Variants in B3GALNT1 observed in about 807,000 individuals in gnomAD.
B3GALNT1 encodes UDP-GalNAc:beta-1,3-N-acetylgalactosaminyltransferase 1.
B3GALNT1 carries 17 observed loss-of-function variants against 27.3 expected under a neutral mutation model. The ratio of observed to expected loss-of-function variants is 0.62; its 90% CI spans 0.43 to 0.94. The LOEUF (loss-of-function observed/expected upper bound fraction) is 0.94. Ranked by LOEUF, B3GALNT1 falls within the 40% of genes least tolerant of loss-of-function variation. B3GALNT1 has a pLI of 0.00. For missense variants in B3GALNT1, 347 were observed against 390.0 expected (o/e 0.89, Z 0.93); for synonymous variants, 141 against 144.0 (o/e 0.98, Z 0.15).
At chr3:161,088,324 A>G (rs1433167083) in intron 4 of B3GALNT1, among the ~76,000 whole-genome samples, 1 of 152,164 alleles carries the variant, frequency 6.6e-6, no homozygotes, top group African/African-American at 2.4e-5. Flanking sequence ...AACTCTCTCC[A>G]GTTTGGTTCC....
rs775646361 is a variant in B3GALNT1, at chr3:161,086,660, A to T, written c.95T>A (p.Val32Glu). ...LLLLSLLSFFVMWYLSLPHYN... is the reference protein window; with the variant it reads ...LLLLSLLSFFEMWYLSLPHYN... ...GTGGGGAAGGCTGAGGTACCACATCACAAAGAAACTCAGGAGTGACAGCAG... is the reference window on the plus strand; with the variant it reads ...GTGGGGAAGGCTGAGGTACCACATCTCAAAGAAACTCAGGAGTGACAGCAG... Residue 32 changes from valine (V) to glutamate (E), a missense_variant, in exon 5 of 5, where the codon GTG becomes GAG. By Grantham distance (121) the Val-to-Glu change is moderately radical (BLOSUM62 -2). Coordinates refer to ENST00000320474, the MANE Select transcript of B3GALNT1 (RefSeq NM_003781.4). The T allele has an allele frequency of 3.7e-6, 6 of 1,614,080 alleles. No individual in the cohort carries two copies. The highest frequency in any genetic ancestry group is 3.4e-6 in the Non-Finnish European group (4 of 1,180,046).
At chr3:161,095,884 G>A (rs910139929) in intron 4 of B3GALNT1, among the ~76,000 whole-genome samples, 7 of 152,204 alleles carry the variant, frequency 4.6e-5, no homozygotes, top group African/African-American at 1.7e-4. Context: ...TGTTCTTTCA[G>A]CAATTCGCCC....
At chr3:161,091,126 A>T (rs1724847732) in intron 4 of B3GALNT1, among the ~76,000 whole-genome samples, 1 of 152,056 alleles carries the variant, frequency 6.6e-6, no homozygotes, top group Admixed American at 6.6e-5. Context: ...AAAATTAGCC[A>T]GGCATGGTGG....
intron 4 of B3GALNT1, among the ~76,000 whole-genome samples, chr3:161,096,025 G>A (rs1177674780): frequency 6.6e-6 from 1 of 152,116 alleles, no homozygotes; most frequent in East Asian, 1.9e-4. Flanking sequence ...ATTTCTATTT[G>A]TTTATTGTCT....
At chr3:161,099,714 C>T (rs534311281) in intron 4 of B3GALNT1, among the ~76,000 whole-genome samples, 24 of 152,216 alleles carry the variant, frequency 1.6e-4, no homozygotes, top group Admixed American at 5.2e-4. Context: ...TAGCATAGTG[C>T]CTGGCACATA....
intron 4 of B3GALNT1, among the ~76,000 whole-genome samples, chr3:161,087,714 C>A (rs1027723358): frequency 1.3e-5 from 2 of 152,126 alleles, no homozygotes; most frequent in African/African-American, 4.8e-5. Context: ...GATCTCAAGG[C>A]AGAGGGTGGT....
At chr3:161,099,945 G>C (rs921400349) in intron 4 of B3GALNT1, among the ~76,000 whole-genome samples, 2 of 152,178 alleles carry the variant, frequency 1.3e-5, no homozygotes, top group African/African-American at 4.8e-5. Flanking sequence ...AGTTAGAAGA[G>C]GGTAACTCAT....
intron 3 of B3GALNT1, among the ~76,000 whole-genome samples, chr3:161,101,745 T>C (rs1053815225): frequency 1.3e-5 from 2 of 152,200 alleles, no homozygotes; most frequent in South Asian, 4.1e-4. Context: ...AATAGAGGCA[T>C]AAATTTAGAG....
At chr3:161,087,668 A>G (rs1039322425) in intron 4 of B3GALNT1, among the ~76,000 whole-genome samples, 2 of 152,218 alleles carry the variant, frequency 1.3e-5, no homozygotes, top group Non-Finnish European at 1.5e-5. Flanking sequence ...GAGGAGGCAC[A>G]GAACATTCAG....
Position 161,104,352 on chromosome 3 carries a change from AT to A in B3GALNT1, c.-255del, listed in dbSNP as rs1450742590. The A allele has an allele frequency of 7.8e-7, 1 of 1,289,646 alleles. No individual in the cohort carries two copies. Among genetic ancestry groups the A allele is most frequent in the Non-Finnish European group, 1.0e-6 (1 of 988,832 alleles). 79.9% of individuals were successfully genotyped at this position (1,289,646 alleles called of 1,614,324 possible). The stretch of plus-strand genomic sequence containing the variant: ...ACAGAAAAAAAGACATGGTTTGGCA[AT>A]TTCTTCCTTGATAGCTTTTCCCACA... On this transcript the variant is annotated 5_prime_UTR_variant, in exon 2 of 5. Coordinates refer to ENST00000320474, the MANE Select transcript of B3GALNT1 (RefSeq NM_003781.4).
intron 3 of B3GALNT1, among the ~76,000 whole-genome samples, chr3:161,101,983 C>T (rs1731542794): frequency 6.6e-6 from 1 of 152,144 alleles, no homozygotes; most frequent in South Asian, 2.1e-4. Context: ...CTTGTGTATT[C>T]TAACTTTTAT....
chr3:161,101,775 AG>A lies in B3GALNT1; in HGVS notation c.-129-543del, dbSNP rs1731419007. 2.0e-5 allele frequency among the ~76,000 whole-genome samples: 3 copies of A among 152,366 alleles called. No homozygotes were observed. In the South Asian group the frequency reaches 6.2e-4, roughly 32 times the overall value. ...TTAGAGCCTGTTATCAGTATGGAGA[AG>A]GGAACTATTTAATACTAAGAGATAA... On this transcript the variant is annotated intron_variant, in intron 3 of 4. Coordinates refer to ENST00000320474, the MANE Select transcript of B3GALNT1 (RefSeq NM_003781.4).
intron 2 of B3GALNT1, among the ~76,000 whole-genome samples, chr3:161,103,728 T>G (rs1732695440): frequency 6.6e-6 from 1 of 152,212 alleles, no homozygotes. Context: ...ACTGTTTTTT[T>G]GTTTTTTGTT....
At chr3:161,089,422 T>A (rs533975487) in intron 4 of B3GALNT1, among the ~76,000 whole-genome samples, 2 of 152,244 alleles carry the variant, frequency 1.3e-5, no homozygotes, top group Admixed American at 1.3e-4. Context: ...AAAAATGACA[T>A]GATGGCTACA....
chr3:161,102,092 T>C (rs1217056072), intron 3 of B3GALNT1, among the ~76,000 whole-genome samples: 1 of 152,174 alleles, frequency 6.6e-6, no homozygotes, highest in Non-Finnish European at 1.5e-5. Flanking sequence ...ATAGTAAATA[T>C]CTTCTTTGAG....
chr3:161,093,769 C>T (rs541752929), intron 4 of B3GALNT1, among the ~76,000 whole-genome samples: 128 of 151,982 alleles, frequency 8.4e-4, no homozygotes, highest in African/African-American at 3.0e-3. Flanking sequence ...GAGGCTAAGG[C>T]GGGAGGATCG....
rs1171973369 is a variant in B3GALNT1 at position 161,085,061 on chromosome 3, C to T, written c.*698G>A. 1 of 152,088 alleles carries T rather than the reference C, an allele frequency of 6.6e-6. No individual in the cohort carries two copies. Among genetic ancestry groups the T allele is most frequent in the Non-Finnish European group, 1.5e-5 (1 of 68,004 alleles). 9.4% of individuals were successfully genotyped at this position (152,088 alleles called of 1,614,324 possible). A position where few individuals can be genotyped will look rare whatever the true frequency, so the allele number is the denominator to read the frequency against. ...CAAAGTCCAAGAGATTACTGATATG[C>T]AATAATGACCTATGACTTTACATTA... On this transcript the variant is annotated 3_prime_UTR_variant, in exon 5 of 5. Transcript: ENST00000320474.
chr3:161,103,721 GTTTT>G (rs1214291209), intron 2 of B3GALNT1, among the ~76,000 whole-genome samples: 3 of 152,054 alleles, frequency 2.0e-5, no homozygotes, highest in Non-Finnish European at 4.4e-5. Flanking sequence ...CTTGGACACT[GTTTT>G]TTTGTTTTTT....
chr3:161,095,299 T>C (rs1727522997), intron 4 of B3GALNT1, among the ~76,000 whole-genome samples: 2 of 152,194 alleles, frequency 1.3e-5, no homozygotes, highest in Non-Finnish European at 2.9e-5. Context: ...TGACCCCTTA[T>C]CTCAAGTAGT....
Sources: gnomAD v4.1 joint callset for allele counts (sites outside exome capture counted in the v4.1 genomes callset) on GRCh38, gnomAD v4.1.1 for gene constraint, MANE v1.5 for transcripts, NCBI Gene and HGNC (gene_info 2026-07-23, HGNC 2026-07-21) for gene names.